The following OTOGL variants were observed in gnomAD, a reference collection of about 807,000 sequenced individuals.
OTOGL encodes otogelin-like protein.
Under a neutral mutation model 318.5 loss-of-function variants are expected in OTOGL, and 285 were observed. The ratio of observed to expected loss-of-function variants is 0.89; its 90% CI spans 0.81 to 0.99. The LOEUF is 0.99. Ranked by LOEUF, OTOGL falls within the 50% of genes least tolerant of loss-of-function variation. OTOGL has a pLI of 0.00. For synonymous variants in OTOGL, 987 were observed against 936.5 expected, an observed-to-expected ratio of 1.05 and a Z score of -0.99; for missense variants, 2,899 against 2,845.6, an observed-to-expected ratio of 1.02 and a Z score of -0.43.
Position 80,328,725 on chromosome 12 carries a change from G to T in OTOGL, c.4260G>T (p.Lys1420Asn). ...KNMILDEVTL[K>N]CVYPRDCIPV... ...TGATCCTTGATGAGGTCACCCTCAA[G>T]TGTGTTTATCCACGAGACTGTAAGT... The change falls in exon 36 of 59, where the codon AAG becomes AAT. Residue 1420 changes from lysine (K) to asparagine (N), a missense_variant. Physicochemically the swap from Lys to Asn is moderately conservative, Grantham distance 94. This residue lies in a region of OTOGL where 2,607 missense variants were observed against 2,524.9 expected (regional missense o/e 1.03). Coordinates refer to ENST00000547103, the MANE Select transcript of OTOGL (RefSeq NM_001378609.3). The T allele has an allele frequency of 6.2e-7, 1 of 1,602,850 alleles. No individual in the cohort carries two copies. Among genetic ancestry groups the T allele is most frequent in the Non-Finnish European group, 8.5e-7 (1 of 1,169,954 alleles).
chr12:80,205,299 A>T (rs1444711198), intron 1 of OTOGL, among the ~76,000 whole-genome samples: 1 of 152,194 alleles, frequency 6.6e-6, no homozygotes, highest in Non-Finnish European at 1.5e-5. Context: ...ACTTTAGTTG[A>T]AGAAACATTA....
chr12:80,151,257 C>CT (rs1394960551), intron 1 of OTOGL, among the ~76,000 whole-genome samples: 1 of 152,148 alleles, frequency 6.6e-6, no homozygotes. Flanking sequence ...GAAGCAGAGA[C>CT]TAAGAGGCAA....
At chr12:80,105,657 T>C (rs912627553) in intron 1 of OTOGL, among the ~76,000 whole-genome samples, 39 of 152,332 alleles carry the variant, frequency 2.6e-4, no homozygotes, top group African/African-American at 9.1e-4. Flanking sequence ...TCATGAACCT[T>C]AATGTTAATA....
At chr12:80,369,036 A>C (rs1398353153) in intron 55 of OTOGL, among the ~76,000 whole-genome samples, 5 of 151,948 alleles carry the variant, frequency 3.3e-5, no homozygotes, top group Non-Finnish European at 5.9e-5. Flanking sequence ...ATATATGTAT[A>C]ATACACACAT....
chr12:80,236,452 A>T (rs1296006430), intron 9 of OTOGL, among the ~76,000 whole-genome samples: 1 of 152,196 alleles, frequency 6.6e-6, no homozygotes, highest in African/African-American at 2.4e-5. Context: ...AGGACCCTTG[A>T]TGCAGTATAA....
chr12:80,115,607 A>C (rs991508063), intron 1 of OTOGL, among the ~76,000 whole-genome samples: 11 of 152,212 alleles, frequency 7.2e-5, no homozygotes, highest in Admixed American at 2.0e-4. Context: ...CTCCAGAGCC[A>C]GCAGTCAAGA....
chr12:80,195,889 T>C (rs1323024269), intron 1 of OTOGL, among the ~76,000 whole-genome samples: 6 of 152,208 alleles, frequency 3.9e-5, no homozygotes. Context: ...GTGGAGGTTG[T>C]TAAACGGTTA....
intron 1 of OTOGL, among the ~76,000 whole-genome samples, chr12:80,109,396 A>G (rs189806102): frequency 1.3e-5 from 2 of 152,284 alleles, no homozygotes; most frequent in Non-Finnish European, 2.9e-5. Context: ...AAACATTAAT[A>G]TCTTTACTCA....
At chr12:80,152,275 A>G (rs1872833644) in intron 1 of OTOGL, among the ~76,000 whole-genome samples, 2 of 152,174 alleles carry the variant, frequency 1.3e-5, no homozygotes, top group Admixed American at 6.5e-5. Context: ...CCTACTTCAC[A>G]GTTCTGTTGG....
At position 80,229,265 on chromosome 12, in the gene OTOGL, C is replaced by G; in HGVS notation, c.498C>G (p.Asn166Lys). ...GTTTTTCTCCCTTTAAGGTTCATAA[C>G]AGCCCTAAATGCCTTGGTTCGGTGT... Reference protein sequence around the residue: ...LEPRYTVWVHNSPKCLGSVYS... With the variant: ...LEPRYTVWVHKSPKCLGSVYS... Residue 166 changes from asparagine to lysine, a missense_variant, in exon 8 of 59, where the codon AAC (asparagine) becomes AAG (lysine). Asn to Lys is a moderately conservative substitution (Grantham distance 94). Around this residue, in one of 3 missense-constraint regions of OTOGL, gnomAD observed 2,607 missense variants for 2,524.9 expected, o/e 1.03. Coordinates refer to ENST00000547103, the MANE Select transcript of OTOGL (RefSeq NM_001378609.3). 1 of 1,597,756 alleles carries G rather than the reference C, an allele frequency of 6.3e-7. No individual in the cohort carries two copies. Among genetic ancestry groups the G allele is most frequent in the Non-Finnish European group, 8.5e-7 (1 of 1,178,328 alleles).
intron 1 of OTOGL, among the ~76,000 whole-genome samples, chr12:80,118,778 A>G (rs1288323938): frequency 2.0e-5 from 3 of 152,092 alleles, no homozygotes; most frequent in South Asian, 4.1e-4. Context: ...TAAAAATAGT[A>G]TACTGGAAAA....
chr12:80,271,710 G>C lies in OTOGL; in HGVS notation c.2581G>C (p.Ala861Pro), dbSNP rs1164422616. The stretch of plus-strand genomic sequence containing the variant: ...CAGGTTTCCTGACCCTGAATTACCA[G>C]CTGGTGGTGTTAATTGTGAGACTAC... ...DCRFPDPELP[A>P]GGVNCETTCA... The change falls in exon 24 of 59, where the codon GCT (alanine) becomes CCT (proline). Residue 861 changes from alanine to proline, a missense_variant. Ala to Pro is a conservative substitution (Grantham distance 27). Coordinates refer to ENST00000547103, the MANE Select transcript of OTOGL (RefSeq NM_001378609.3). The C allele has an allele frequency of 6.2e-7, 1 of 1,612,974 alleles. No homozygotes were observed. The highest frequency in any genetic ancestry group is 8.5e-7 in the Non-Finnish European group (1 of 1,179,286).
At chr12:80,217,166 C>T (rs1592558559) in intron 4 of OTOGL, among the ~76,000 whole-genome samples, 1 of 151,998 alleles carries the variant, frequency 6.6e-6, no homozygotes, top group East Asian at 1.9e-4. Flanking sequence ...CCTATCTGCG[C>T]CTGGAAGTGT....
rs1168142203 is a variant in OTOGL at position 80,271,730 on chromosome 12, G to T, written c.2601G>T (p.Glu867Asp). The change falls in exon 24 of 59, where the codon GAG becomes GAT. Residue 867 changes from glutamate (E) to aspartate (D), a missense_variant. Glu to Asp is a conservative substitution (Grantham distance 45). Around this residue, in one of 3 missense-constraint regions of OTOGL, gnomAD observed 2,607 missense variants for 2,524.9 expected, o/e 1.03. Transcript: ENST00000547103. ...TACCAGCTGGTGGTGTTAATTGTGA[G>T]ACTACATGTGCAAACCTAGCCATGA... ...PELPAGGVNC[E>D]TTCANLAMNF... The T allele has an allele frequency of 2.5e-6, 4 of 1,613,110 alleles. No individual in the cohort carries two copies. Among genetic ancestry groups the T allele is most frequent in the Non-Finnish European group, 3.4e-6 (4 of 1,179,410 alleles).
At chr12:80,236,444 G>C (rs1227902162) in intron 9 of OTOGL, among the ~76,000 whole-genome samples, 1 of 152,072 alleles carries the variant, frequency 6.6e-6, no homozygotes, top group Non-Finnish European at 1.5e-5. Context: ...CAACTTTTAG[G>C]ACCCTTGATG....
Position 80,380,422 on chromosome 12 carries a change from G to A in OTOGL, c.*2374G>A, listed in dbSNP as rs545625731. On this transcript the variant is annotated 3_prime_UTR_variant, in exon 59 of 59. Coordinates refer to ENST00000547103, the MANE Select transcript of OTOGL (RefSeq NM_001378609.3). Reference sequence around the variant, plus strand: ...GAACTCTTGAAAAAAATAACAAAAGGAAAAAATTAACAACCTGATAGAAAA... The same window carrying A: ...GAACTCTTGAAAAAAATAACAAAAGAAAAAAATTAACAACCTGATAGAAAA... The A allele has an allele frequency of 6.6e-6, 1 of 151,606 alleles. No homozygotes were observed. The highest frequency in any genetic ancestry group is 6.6e-5 in the Admixed American group (1 of 15,220). 9.4% of individuals were successfully genotyped at this position (151,606 alleles called of 1,614,324 possible).
chr12:80,238,040 A>C (rs970675581), intron 9 of OTOGL, among the ~76,000 whole-genome samples: 1 of 152,124 alleles, frequency 6.6e-6, no homozygotes, highest in African/African-American at 2.4e-5. Flanking sequence ...GGAAGGATTA[A>C]TTTTTGCATC....
At chr12:80,255,575 T>C (rs949765538) in intron 16 of OTOGL, among the ~76,000 whole-genome samples, 6 of 151,938 alleles carry the variant, frequency 3.9e-5, no homozygotes, top group African/African-American at 1.4e-4. Flanking sequence ...TTTTGTTTGC[T>C]TCAACCTAGC....
At chr12:80,282,865 T>A (rs1884335703) in intron 26 of OTOGL, among the ~76,000 whole-genome samples, 1 of 151,936 alleles carries the variant, frequency 6.6e-6, no homozygotes, top group Admixed American at 6.6e-5. Context: ...CTCTCTGGTT[T>A]CTTCTTTGTC....
Sources: gnomAD v4.1 joint callset for allele counts (sites outside exome capture counted in the v4.1 genomes callset) on GRCh38, gnomAD v4.1.1 for gene constraint, gnomAD v4.1.1 regional missense constraint, MANE v1.5 for transcripts, NCBI Gene and HGNC (gene_info 2026-07-23, HGNC 2026-07-21) for gene names.